The following MALRD1 variants were observed in gnomAD, a reference collection of about 807,000 sequenced individuals.
The protein encoded by MALRD1 is MAM and LDL receptor class A domain containing 1, also known as MAM and LDL-receptor class A domain-containing protein 1.
A neutral mutation model predicts 242.1 loss-of-function variants in MALRD1; 247 were observed. The observed-to-expected ratio is 1.02, with a 90% CI of 0.92 to 1.13. The LOEUF (loss-of-function observed/expected upper bound fraction) is 1.13. MALRD1 is among the 50% of genes most tolerant of loss of function. The probability of loss-of-function intolerance (pLI) is 0.00; values close to 1 mark genes in which losing one functional copy is unlikely to be tolerated. For missense variants in MALRD1, 2,989 were observed against 2,533.1 expected (o/e 1.18, Z -3.86); for synonymous variants, 995 against 866.6 (o/e 1.15, Z -2.60).
At chr10:19,205,796 G>A (rs1331095846) in intron 17 of MALRD1, among the ~76,000 whole-genome samples, 1 of 152,058 alleles carries the variant, frequency 6.6e-6, no homozygotes, top group East Asian at 1.9e-4. Flanking sequence ...AAGGTGTGGG[G>A]AAGGCCAGAT....
chr10:19,479,472 G>T (rs190015065), intron 29 of MALRD1, among the ~76,000 whole-genome samples: 9 of 152,272 alleles, frequency 5.9e-5, no homozygotes, highest in East Asian at 3.9e-4. Flanking sequence ...ATGTATTCTG[G>T]CTTGGCTATT....
At chr10:19,590,807 C>A (rs138057856) in intron 33 of MALRD1, among the ~76,000 whole-genome samples, 1 of 152,084 alleles carries the variant, frequency 6.6e-6, no homozygotes, top group Non-Finnish European at 1.5e-5. Context: ...TCCCTGCCCC[C>A]ACCCTCATAG....
chr10:19,319,086 C>T (rs1842817546), intron 21 of MALRD1, among the ~76,000 whole-genome samples: 1 of 152,016 alleles, frequency 6.6e-6, no homozygotes. Flanking sequence ...CAAATGTTCT[C>T]TCCCATTGAC....
chr10:19,355,865 T>TATATATATATATATGA (rs1564589448), intron 26 of MALRD1, among the ~76,000 whole-genome samples: 1 of 59,676 alleles, frequency 1.7e-5, no homozygotes, highest in Non-Finnish European at 3.8e-5. Context: ...ATATTATATA[T>TATATATATATATATGA]GATATATATT....
intron 21 of MALRD1, among the ~76,000 whole-genome samples, chr10:19,299,346 A>G (rs1841843798): frequency 1.3e-5 from 2 of 151,956 alleles, no homozygotes. Flanking sequence ...AGATCTATCA[A>G]ATAGAAAACA....
chr10:19,395,035 T>C (rs1267172174), intron 28 of MALRD1, among the ~76,000 whole-genome samples: 2 of 152,226 alleles, frequency 1.3e-5, no homozygotes, highest in African/African-American at 4.8e-5. Flanking sequence ...GATTTTGGAA[T>C]GTAAATCAAT....
chr10:19,484,589 G>C (rs1196657507), intron 29 of MALRD1, among the ~76,000 whole-genome samples: 1 of 151,990 alleles, frequency 6.6e-6, no homozygotes, highest in African/African-American at 2.4e-5. Context: ...ATTACAAATT[G>C]GACTACAGAA....
At chr10:19,467,944 C>T (rs981838634) in intron 29 of MALRD1, among the ~76,000 whole-genome samples, 1 of 152,024 alleles carries the variant, frequency 6.6e-6, no homozygotes, top group East Asian at 1.9e-4. Context: ...CAGGCATGTG[C>T]CACCATGCCC....
At chr10:19,557,201 C>G (rs1021088917) in intron 32 of MALRD1, among the ~76,000 whole-genome samples, 1 of 151,942 alleles carries the variant, frequency 6.6e-6, no homozygotes, top group African/African-American at 2.4e-5. Context: ...CAGGCCTTAT[C>G]AGATATGTGT....
At chr10:19,435,213 C>T (rs1834304880) in intron 28 of MALRD1, among the ~76,000 whole-genome samples, 1 of 151,472 alleles carries the variant, frequency 6.6e-6, no homozygotes, top group African/African-American at 2.4e-5. Context: ...TAATTAACTG[C>T]CTTATTTTAG....
intron 31 of MALRD1, among the ~76,000 whole-genome samples, chr10:19,530,401 T>TA (rs1564417274): frequency 5.9e-5 from 2 of 34,070 alleles, no homozygotes; most frequent in Non-Finnish European, 1.1e-4. Context: ...TATATAAATA[T>TA]TATATATTTA....
intron 36 of MALRD1, among the ~76,000 whole-genome samples, chr10:19,631,318 A>G (rs1341456783): frequency 1.3e-5 from 2 of 152,188 alleles, no homozygotes; most frequent in Non-Finnish European, 2.9e-5. Context: ...TGTAAAGGAC[A>G]TAATCTCTTT....
intron 18 of MALRD1, among the ~76,000 whole-genome samples, chr10:19,232,281 C>A (rs972208237): frequency 6.6e-6 from 1 of 151,746 alleles, no homozygotes; most frequent in African/African-American, 2.4e-5. Flanking sequence ...ATTCTCCTGC[C>A]TCAGTCTCCC....
chr10:19,385,949 A>G (rs926537656), intron 26 of MALRD1, among the ~76,000 whole-genome samples: 15 of 152,092 alleles, frequency 9.9e-5, no homozygotes, highest in Admixed American at 8.5e-4. Context: ...TTAATAATTA[A>G]CCAAAAAAAT....
intron 14 of MALRD1, among the ~76,000 whole-genome samples, chr10:19,185,296 C>T (rs899865516): frequency 6.6e-6 from 1 of 152,094 alleles, no homozygotes; most frequent in African/African-American, 2.4e-5. Context: ...TATTTCCAAA[C>T]AACATTTAGT....
At chr10:19,525,970 G>A (rs984098639) in intron 31 of MALRD1, among the ~76,000 whole-genome samples, 1 of 152,118 alleles carries the variant, frequency 6.6e-6, no homozygotes, top group Non-Finnish European at 1.5e-5. Context: ...TGTGAATGTT[G>A]TTGATCTTTT....
chr10:19,088,218 G>A, intron 4 of MALRD1, 33 bp downstream of exon 4: 1 of 1,231,270 alleles, frequency 8.1e-7, no homozygotes, highest in Non-Finnish European at 1.0e-6. Flanking sequence ...CTATGGCCTT[G>A]AAGAAAAATA....
intron 28 of MALRD1, among the ~76,000 whole-genome samples, chr10:19,439,635 G>T (rs1381553283): frequency 6.6e-6 from 1 of 152,036 alleles, no homozygotes. Flanking sequence ...CAGTACATTA[G>T]CTATACAACT....
chr10:19,162,066 A>AAC lies in MALRD1; in HGVS notation c.1657-3570_1657-3569insCA, dbSNP rs1564432685. On this transcript the variant is annotated intron_variant, in intron 12 of 39. Transcript: ENST00000454679. ...ACAGCAACAACAACAACAACAACAA[A>AAC]AACAAAACCATAACTGAGGAAATGA... Among the ~76,000 whole-genome samples the AAC allele has an allele frequency of 1.2e-4, 17 of 147,784 alleles. No individual in the cohort carries two copies. The East Asian group carries it at 2.4e-3, about 21-fold the overall frequency.
Sources: allele counts gnomAD v4.1 joint callset (sites outside exome capture counted in the v4.1 genomes callset), GRCh38; gene constraint gnomAD v4.1.1; transcripts MANE v1.5; gene names NCBI Gene and HGNC (gene_info 2026-07-23, HGNC 2026-07-21).